ADGRB3: variants seen among roughly 807,000 people sequenced by gnomAD.
ADGRB3 encodes the protein adhesion G protein-coupled receptor B3.
ADGRB3 carries 37 observed loss-of-function variants against 193.4 expected under a neutral mutation model. The ratio of observed to expected loss-of-function variants is 0.19; its 90% confidence interval spans 0.15 to 0.25. The LOEUF (loss-of-function observed/expected upper bound fraction) is 0.25, where lower values mean the gene tolerates loss of function less well. Ranked by LOEUF, ADGRB3 falls within the 10% of genes least tolerant of loss-of-function variation. The pLI is 1.00. For synonymous variants in ADGRB3, 690 were observed against 644.2 expected, an observed-to-expected ratio of 1.07 and a Z score of -1.08; for missense variants, 1,637 against 1,852.9, an observed-to-expected ratio of 0.88 and a Z score of 2.14.
intron 3 of ADGRB3, among the ~76,000 whole-genome samples, chr6:68,735,366 A>G (rs1006615708): frequency 2.0e-5 from 3 of 151,980 alleles, no homozygotes; most frequent in African/African-American, 7.2e-5. Flanking sequence ...TAGAGAATAA[A>G]GTGATGATAC....
At chr6:68,742,912 A>G (rs1766007891) in intron 3 of ADGRB3, among the ~76,000 whole-genome samples, 1 of 151,978 alleles carries the variant, frequency 6.6e-6, no homozygotes, top group South Asian at 2.1e-4. Flanking sequence ...AATTTTATGT[A>G]ATAAAGATGT....
At chr6:69,095,310 G>C (rs1406676969) in intron 17 of ADGRB3, among the ~76,000 whole-genome samples, 1 of 148,362 alleles carries the variant, frequency 6.7e-6, no homozygotes, top group African/African-American at 2.5e-5. Flanking sequence ...ATCATGGGAG[G>C]CCTTCAACAG....
Position 69,031,076 on chromosome 6 carries a change from C to A in ADGRB3, c.2107+12577C>A, listed in dbSNP as rs1242578610. On this transcript the variant is annotated intron_variant, in intron 13 of 31. Transcript: ENST00000370598. ...CTTCTCTTCTCTTCTCTTCTCTTCT[C>A]TTCTCTTCTCTTCTCTTCTCTTCTC... Among the ~76,000 whole-genome samples, 219 of 67,586 alleles carry A rather than the reference C, an allele frequency of 3.2e-3. 25 individuals carry two copies. The highest frequency in any genetic ancestry group is 0.013 in the Middle Eastern group (1 of 80). The allele number at this position is 67,586 out of a possible 152,430, so 44.3% of individuals were successfully genotyped here.
At chr6:69,304,825 G>A (rs1020193215) in intron 20 of ADGRB3, among the ~76,000 whole-genome samples, 1 of 151,504 alleles carries the variant, frequency 6.6e-6, no homozygotes, top group Non-Finnish European at 1.5e-5. Flanking sequence ...GGAGGTACTA[G>A]TGTTTCTATT....
chr6:68,993,741 T>A, intron 10 of ADGRB3, 27 bp from the exon 11 acceptor site: 1 of 1,591,756 alleles, frequency 6.3e-7, no homozygotes, highest in Non-Finnish European at 8.6e-7. Flanking sequence ...GATTCTGATG[T>A]TTGCTCTGTT....
intron 10 of ADGRB3, among the ~76,000 whole-genome samples, chr6:68,987,687 A>C (rs921183500): frequency 9.9e-5 from 15 of 152,120 alleles, no homozygotes; most frequent in Non-Finnish European, 2.2e-4. Context: ...GGAGCTATGC[A>C]ATCCTGGAGA....
At chr6:68,868,093 G>A (rs1166702342) in intron 3 of ADGRB3, among the ~76,000 whole-genome samples, 2 of 152,096 alleles carry the variant, frequency 1.3e-5, no homozygotes, top group Non-Finnish European at 2.9e-5. Context: ...GGTACTAGGG[G>A]TAAAATGATA....
At position 68,739,574 on chromosome 6, in the gene ADGRB3, G is replaced by A. The variant is rs184058830; in HGVS notation, c.757+100142G>A. On this transcript the variant is annotated intron_variant, in intron 3 of 31. Transcript: ENST00000370598. ...ATGCAGGTAGGTGATAGACATGATG[G>A]TGAGAGCCTTTGGCAACTCTGTTCT... Among the ~76,000 whole-genome samples, 20 of 152,196 alleles carry A rather than the reference G, an allele frequency of 1.3e-4. No individual in the cohort carries two copies. In the East Asian group the frequency reaches 3.3e-3, roughly 25 times the overall value.
intron 16 of ADGRB3, among the ~76,000 whole-genome samples, chr6:69,064,367 T>C (rs1258194378): frequency 6.6e-6 from 1 of 151,794 alleles, no homozygotes; most frequent in Non-Finnish European, 1.5e-5. Flanking sequence ...ATTTAAACTA[T>C]TAGTTAATAT....
intron 3 of ADGRB3, among the ~76,000 whole-genome samples, chr6:68,653,825 C>T (rs1428256113): frequency 2.0e-5 from 3 of 151,700 alleles, no homozygotes; most frequent in African/African-American, 7.3e-5. Context: ...CCTTCCTTTC[C>T]TTCCTGCCTA....
chr6:69,220,204 G>T (rs1765863199), intron 17 of ADGRB3, among the ~76,000 whole-genome samples: 1 of 151,928 alleles, frequency 6.6e-6, no homozygotes, highest in Non-Finnish European at 1.5e-5. Context: ...GCTTTTTAAT[G>T]ACCTTTTCAA....
intron 6 of ADGRB3, among the ~76,000 whole-genome samples, chr6:68,952,528 A>G (rs888691404): frequency 6.6e-6 from 1 of 152,116 alleles, no homozygotes; most frequent in Non-Finnish European, 1.5e-5. Context: ...TTTCATATCC[A>G]ATGAGTTATT....
chr6:68,746,657 A>G (rs1444094522), intron 3 of ADGRB3, among the ~76,000 whole-genome samples: 1 of 150,182 alleles, frequency 6.7e-6, no homozygotes, highest in Non-Finnish European at 1.5e-5. Context: ...GCCTTTTCTT[A>G]TTTATCCTTG....
chr6:69,083,298 G>A (rs1489854636), intron 17 of ADGRB3, among the ~76,000 whole-genome samples: 1 of 152,016 alleles, frequency 6.6e-6, no homozygotes, highest in Non-Finnish European at 1.5e-5. Context: ...TTAGACTAAA[G>A]TATTTGAGGA....
chr6:69,266,509 A>C (rs1447661021), intron 20 of ADGRB3, among the ~76,000 whole-genome samples: 1 of 152,058 alleles, frequency 6.6e-6, no homozygotes, highest in Non-Finnish European at 1.5e-5. Flanking sequence ...ATTTATTATG[A>C]CAGATAATAA....
chr6:69,184,394 A>G (rs887533310), intron 17 of ADGRB3, among the ~76,000 whole-genome samples: 6 of 152,236 alleles, frequency 3.9e-5, no homozygotes, highest in African/African-American at 1.4e-4. Context: ...TCAAACCACC[A>G]ACATAATGGC....
intron 13 of ADGRB3, among the ~76,000 whole-genome samples, chr6:69,025,979 A>T (rs1277262866): frequency 6.6e-6 from 1 of 152,192 alleles, no homozygotes; most frequent in Non-Finnish European, 1.5e-5. Context: ...ACTGAACCCC[A>T]GGTTGAGGTG....
intron 20 of ADGRB3, among the ~76,000 whole-genome samples, chr6:69,290,584 C>G (rs1301554951): frequency 6.6e-6 from 1 of 152,172 alleles, no homozygotes; most frequent in Admixed American, 6.6e-5. Context: ...CAGTATATGA[C>G]TAAGCCTCCT....
At chr6:68,650,407 A>G (rs577470894) in intron 3 of ADGRB3, among the ~76,000 whole-genome samples, 61 of 152,132 alleles carry the variant, frequency 4.0e-4, no homozygotes, top group African/African-American at 1.2e-3. Flanking sequence ...CATCATACAT[A>G]ATATTTATTT....
Sources: gnomAD v4.1 joint callset for allele counts (sites outside exome capture counted in the v4.1 genomes callset) on GRCh38, gnomAD v4.1.1 for gene constraint, MANE v1.5 for transcripts, NCBI Gene and HGNC (gene_info 2026-07-23, HGNC 2026-07-21) for gene names.